Variants in PAK5 observed in about 807,000 individuals in gnomAD.
PAK5 encodes the protein serine/threonine-protein kinase PAK 5.
Under a neutral mutation model 65.9 loss-of-function variants are expected in PAK5, and 16 were observed. That is an observed-to-expected ratio of 0.24 (90% CI 0.16 to 0.37). PAK5 has a LOEUF of 0.37. Among genes scored for constraint, PAK5 ranks in the 10% least tolerant of loss-of-function variants. The pLI is 1.00. For missense variants in PAK5, 785 were observed against 903.9 expected (o/e 0.87, Z 1.69); for synonymous variants, 371 against 354.9 (o/e 1.05, Z -0.51).
chr20:9,641,109 C>G (rs1255316671), intron 3 of PAK5, among the ~76,000 whole-genome samples: 1 of 152,006 alleles, frequency 6.6e-6, no homozygotes. Context: ...GAGCTAGATA[C>G]AAAGGTTCTC....
chr20:9,695,892 T>C (rs950228724), intron 2 of PAK5, among the ~76,000 whole-genome samples: 2 of 152,092 alleles, frequency 1.3e-5, no homozygotes, highest in Non-Finnish European at 2.9e-5. Flanking sequence ...AAAAGCTCCA[T>C]AGACCAGTGT....
intron 1 of PAK5, among the ~76,000 whole-genome samples, chr20:9,819,035 T>C (rs914973776): frequency 5.3e-5 from 8 of 152,176 alleles, no homozygotes; most frequent in South Asian, 2.1e-4. Flanking sequence ...AGAGAAAATA[T>C]ACTCTGCATG....
At chr20:9,834,859 C>T (rs221014) in intron 1 of PAK5, among the ~76,000 whole-genome samples, 92,143 of 151,732 alleles carry the variant, frequency 0.61, 28,096 homozygotes, top group Non-Finnish European at 0.63. Flanking sequence ...GAAAGTCTAG[C>T]TCACCATTGT....
chr20:9,753,031 C>T (rs779066283), intron 1 of PAK5, among the ~76,000 whole-genome samples: 11 of 152,078 alleles, frequency 7.2e-5, no homozygotes, highest in Non-Finnish European at 7.4e-5. Flanking sequence ...AAGTTCCAGC[C>T]ATCCTAGAAG....
At chr20:9,577,811 A>G (rs2045912705) in intron 4 of PAK5, 1 of 152,030 alleles carries the variant, frequency 6.6e-6, no homozygotes, top group African/African-American at 2.4e-5. Flanking sequence ...AGGGCTGAAC[A>G]CCCTTGGTAG....
chr20:9,675,057 A>G (rs2047550815), intron 2 of PAK5, among the ~76,000 whole-genome samples: 1 of 152,088 alleles, frequency 6.6e-6, no homozygotes, highest in Admixed American at 6.6e-5. Flanking sequence ...CTAAATAGGA[A>G]CTCTGGCTCC....
chr20:9,705,239 T>TAAA (rs111756142), intron 2 of PAK5, among the ~76,000 whole-genome samples: 3 of 149,134 alleles, frequency 2.0e-5, no homozygotes, highest in South Asian at 4.2e-4. Context: ...TGTGTCTAAT[T>TAAA]AAAAAAAAAA....
intron 2 of PAK5, among the ~76,000 whole-genome samples, chr20:9,679,505 A>G (rs1240338975): frequency 1.3e-5 from 2 of 151,766 alleles, no homozygotes; most frequent in Admixed American, 1.3e-4. Flanking sequence ...ATGTTTCTGG[A>G]TGGTAAACAC....
intron 7 of PAK5, among the ~76,000 whole-genome samples, chr20:9,548,668 T>G (rs531196114): frequency 6.3e-4 from 96 of 152,186 alleles, no homozygotes; most frequent in Non-Finnish European, 1.2e-3. Flanking sequence ...GCTACTAGAT[T>G]TATTTTATAC....
At chr20:9,790,547 C>T (rs2049039803) in intron 1 of PAK5, among the ~76,000 whole-genome samples, 1 of 152,078 alleles carries the variant, frequency 6.6e-6, no homozygotes, top group South Asian at 2.1e-4. Flanking sequence ...ACTCTGTTGA[C>T]CAGGCTGTAG....
At chr20:9,683,227 G>A (rs1033589373) in intron 2 of PAK5, among the ~76,000 whole-genome samples, 5 of 152,182 alleles carry the variant, frequency 3.3e-5, no homozygotes, top group South Asian at 4.1e-4. Flanking sequence ...TCTGTTCTCC[G>A]AAGGAATGGA....
intron 1 of PAK5, among the ~76,000 whole-genome samples, chr20:9,815,973 C>T (rs2049352380): frequency 6.6e-6 from 1 of 152,134 alleles, no homozygotes. Flanking sequence ...GCTCCAAAGT[C>T]ACACTACAAT....
chr20:9,625,329 G>T (rs2123204602), intron 3 of PAK5, among the ~76,000 whole-genome samples: 1 of 152,284 alleles, frequency 6.6e-6, no homozygotes, highest in Admixed American at 6.5e-5. Flanking sequence ...GCTAATGGAA[G>T]AATAATCCAT....
chr20:9,810,115 G>C (rs922281996), intron 1 of PAK5, among the ~76,000 whole-genome samples: 20 of 152,146 alleles, frequency 1.3e-4, no homozygotes, highest in Admixed American at 1.0e-3. Context: ...CTGTGCAGCA[G>C]TGGTTCCCAA....
rs953734269 is a variant in PAK5 at position 9,802,920 on chromosome 20, A to G, written c.-162+35842T>C. Among the ~76,000 whole-genome samples, 112 of 128,888 alleles carry G rather than the reference A, an allele frequency of 8.7e-4. 3 individuals carry two copies. Among genetic ancestry groups the G allele is most frequent in the Non-Finnish European group, 1.4e-3 (85 of 61,602 alleles). 84.6% of individuals were successfully genotyped at this position (128,888 alleles called of 152,430 possible). On this transcript the variant is annotated intron_variant, in intron 1 of 9. Coordinates refer to ENST00000353224, the MANE Select transcript of PAK5 (RefSeq NM_177990.4). ...ATTGTATATGTATGTGTATATATAT[A>G]TATATATATATATGAATTACTAATA...
chr20:9,768,713 G>A (rs1184542965), intron 1 of PAK5, among the ~76,000 whole-genome samples: 1 of 150,302 alleles, frequency 6.7e-6, no homozygotes, highest in African/African-American at 2.5e-5. Flanking sequence ...AATCCAGGCG[G>A]CTGAGGTTGC....
intron 7 of PAK5, among the ~76,000 whole-genome samples, chr20:9,555,996 A>G (rs1248554045): frequency 6.6e-6 from 1 of 152,216 alleles, no homozygotes; most frequent in Non-Finnish European, 1.5e-5. Flanking sequence ...AGCTCAGCTG[A>G]TGTCACATGA....
intron 3 of PAK5, among the ~76,000 whole-genome samples, chr20:9,603,283 C>T (rs1273530838): frequency 2.0e-5 from 3 of 152,154 alleles, no homozygotes; most frequent in African/African-American, 7.2e-5. Flanking sequence ...GGAGGGAGAA[C>T]ACATTGGCAG....
chr20:9,656,631 C>A (rs985891633), intron 2 of PAK5, among the ~76,000 whole-genome samples: 8 of 152,112 alleles, frequency 5.3e-5, no homozygotes, highest in Admixed American at 4.6e-4. Flanking sequence ...GGGTTCAAAC[C>A]TTTGTTCTTC....
Sources: gnomAD v4.1 joint callset for allele counts (sites outside exome capture counted in the v4.1 genomes callset) on GRCh38, gnomAD v4.1.1 for gene constraint, MANE v1.5 for transcripts, NCBI Gene and HGNC (gene_info 2026-07-23, HGNC 2026-07-21) for gene names.